CHCHD6: variants seen among roughly 807,000 people sequenced by gnomAD.
The protein encoded by CHCHD6 is coiled-coil-helix-coiled-coil-helix domain containing 6, also known as MICOS complex subunit MIC25.
Under a neutral mutation model 32.3 loss-of-function variants are expected in CHCHD6, and 28 were observed. The observed-to-expected ratio is 0.87, with a 90% CI of 0.64 to 1.19. The LOEUF (loss-of-function observed/expected upper bound fraction) is 1.19. Among genes scored for constraint, CHCHD6 ranks in the 50% most tolerant of loss-of-function variants. The pLI is 0.00. For synonymous variants in CHCHD6, 122 were observed against 117.5 expected, an observed-to-expected ratio of 1.04 and a Z score of -0.25; for missense variants, 333 against 307.0, an observed-to-expected ratio of 1.08 and a Z score of -0.63.
At position 126,892,022 on chromosome 3, in the gene CHCHD6, G is replaced by A. The variant is rs951768275; in HGVS notation, c.496-22658G>A. On this transcript the variant is annotated intron_variant, in intron 5 of 7. Coordinates refer to ENST00000290913, the MANE Select transcript of CHCHD6 (RefSeq NM_032343.3). ...GCAGCCTATGGCAGACATCGCAGGG[G>A]CCTTGGCCCAGGCAGGTGCCAGCGA... Among the ~76,000 whole-genome samples, 4 of 152,170 alleles carry A rather than the reference G, an allele frequency of 2.6e-5. No individual in the cohort carries two copies. The South Asian group carries it at 6.2e-4, about 24-fold the overall frequency.
intron 5 of CHCHD6, among the ~76,000 whole-genome samples, chr3:126,869,396 A>G (rs1017293233): frequency 6.0e-5 from 9 of 151,044 alleles, no homozygotes; most frequent in Middle Eastern, 3.4e-3. Flanking sequence ...ATTAATTTCA[A>G]TGGATACATC....
chr3:126,806,189 A>C (rs1251635952), intron 4 of CHCHD6, among the ~76,000 whole-genome samples: 1 of 152,004 alleles, frequency 6.6e-6, no homozygotes, highest in Admixed American at 6.5e-5. Flanking sequence ...ACAAAAGCCA[A>C]AATTGACAAA....
At chr3:126,898,042 C>G (rs1447301706) in intron 5 of CHCHD6, among the ~76,000 whole-genome samples, 3 of 152,214 alleles carry the variant, frequency 2.0e-5, no homozygotes, top group African/African-American at 7.2e-5. Flanking sequence ...CTCGCAAATA[C>G]TGTGCTCTGC....
chr3:126,909,274 G>A (rs934245612), intron 5 of CHCHD6, among the ~76,000 whole-genome samples: 12 of 152,164 alleles, frequency 7.9e-5, no homozygotes, highest in African/African-American at 1.9e-4. Flanking sequence ...CTGGTCCCAC[G>A]CTGCTCTATA....
At chr3:126,883,637 A>C (rs2077641370) in intron 5 of CHCHD6, among the ~76,000 whole-genome samples, 1 of 152,178 alleles carries the variant, frequency 6.6e-6, no homozygotes, top group African/African-American at 2.4e-5. Flanking sequence ...TTCTGCCCGG[A>C]TTACCAGCCA....
At chr3:126,805,349 A>G (rs1576438259) in intron 4 of CHCHD6, among the ~76,000 whole-genome samples, 1 of 152,210 alleles carries the variant, frequency 6.6e-6, no homozygotes, top group South Asian at 2.1e-4. Flanking sequence ...CAACTTCAGC[A>G]AAGTCTCAGG....
In CHCHD6 at chr3:126,704,248, G is replaced by T; in HGVS notation, c.-65G>T. ...GGCCGCGCGAGTCCTGGAAAGCGTTGTTGGCCCGGTTGCTCTGGAGCCGGG... is the reference window on the plus strand; with the variant it reads ...GGCCGCGCGAGTCCTGGAAAGCGTTTTTGGCCCGGTTGCTCTGGAGCCGGG... On this transcript the variant is annotated 5_prime_UTR_variant, in exon 1 of 8. Coordinates refer to ENST00000290913, the MANE Select transcript of CHCHD6 (RefSeq NM_032343.3). 1 of 1,354,232 alleles carries T rather than the reference G, an allele frequency of 7.4e-7. No individual in the cohort carries two copies. 83.9% of individuals were successfully genotyped at this position (1,354,232 alleles called of 1,614,324 possible). A position where few individuals can be genotyped will look rare whatever the true frequency, so the allele number is the denominator to read the frequency against.
chr3:126,805,162 A>T (rs931121999), intron 4 of CHCHD6, among the ~76,000 whole-genome samples: 3 of 152,156 alleles, frequency 2.0e-5, no homozygotes, highest in African/African-American at 7.2e-5. Context: ...GCCCTCTCTC[A>T]CCACCCCTAT....
intron 4 of CHCHD6, among the ~76,000 whole-genome samples, chr3:126,745,870 C>T (rs1241291698): frequency 6.6e-6 from 1 of 152,186 alleles, no homozygotes; most frequent in African/African-American, 2.4e-5. Flanking sequence ...GTTTCACTGA[C>T]CTTGGGCTTG....
intron 5 of CHCHD6, among the ~76,000 whole-genome samples, chr3:126,863,319 C>T (rs1942033233): frequency 7.6e-6 from 1 of 130,894 alleles, no homozygotes; most frequent in Admixed American, 7.4e-5. Context: ...CCTCCATCAC[C>T]ACCTCCTCCT....
rs145698657 is a variant in CHCHD6 at position 126,814,905 on chromosome 3, C to T, written c.412-37742C>T. Among the ~76,000 whole-genome samples the T allele has an allele frequency of 2.2e-3, 330 of 152,232 alleles. 1 individual carries two copies. Among genetic ancestry groups the T allele is most frequent in the African/African-American group, 7.7e-3 (318 of 41,546 alleles). ...TGGGGAAGGCAGTTTTGGGGATAGC[C>T]CCCAACCTGTGGGATCTGACTCCAT... On this transcript the variant is annotated intron_variant, in intron 4 of 7. Coordinates refer to ENST00000290913, the MANE Select transcript of CHCHD6 (RefSeq NM_032343.3).
intron 5 of CHCHD6, among the ~76,000 whole-genome samples, chr3:126,856,945 A>T (rs1941684957): frequency 6.6e-6 from 1 of 152,208 alleles, no homozygotes; most frequent in African/African-American, 2.4e-5. Context: ...TTTAGGACTA[A>T]CCTGCCAGCT....
At chr3:126,709,834 T>G (rs1322868604) in intron 1 of CHCHD6, among the ~76,000 whole-genome samples, 1 of 152,256 alleles carries the variant, frequency 6.6e-6, no homozygotes, top group Non-Finnish European at 1.5e-5. Context: ...AATTGGATTA[T>G]TTGTCTTTTT....
At chr3:126,761,267 T>A (rs1278144284) in intron 4 of CHCHD6, among the ~76,000 whole-genome samples, 1 of 152,212 alleles carries the variant, frequency 6.6e-6, no homozygotes, top group Non-Finnish European at 1.5e-5. Context: ...TTTCTCCACA[T>A]CTTGGAGATG....
At chr3:126,737,864 GT>G in intron 4 of CHCHD6, among the ~76,000 whole-genome samples, 5 of 152,248 alleles carry the variant, frequency 3.3e-5, no homozygotes, top group Admixed American at 3.3e-4. Flanking sequence ...TGTAGGTGCG[GT>G]TGTGGAACGA....
intron 5 of CHCHD6, among the ~76,000 whole-genome samples, chr3:126,905,965 C>A (rs2107585541): frequency 6.6e-6 from 1 of 152,226 alleles, no homozygotes; most frequent in Admixed American, 6.5e-5. Flanking sequence ...AGGAGAATGA[C>A]TGGCAGAGGG....
intron 4 of CHCHD6, among the ~76,000 whole-genome samples, chr3:126,804,428 C>A (rs527248053): frequency 1.3e-5 from 2 of 152,118 alleles, no homozygotes; most frequent in African/African-American, 4.8e-5. Context: ...GAGAATACTA[C>A]AAACACCTCT....
chr3:126,708,649 T>TG (rs764444913), intron 1 of CHCHD6, among the ~76,000 whole-genome samples: 16 of 110,504 alleles, frequency 1.4e-4, no homozygotes, highest in Middle Eastern at 4.5e-3. Context: ...CCCCATCTCT[T>TG]GAAAAAAAAA....
intron 6 of CHCHD6, among the ~76,000 whole-genome samples, chr3:126,925,164 A>G (rs2078304914): frequency 6.6e-6 from 1 of 152,202 alleles, no homozygotes; most frequent in South Asian, 2.1e-4. Context: ...GTCACCACGA[A>G]TAATCAAGTG....
Sources: allele counts gnomAD v4.1 joint callset (sites outside exome capture counted in the v4.1 genomes callset), GRCh38; gene constraint gnomAD v4.1.1; transcripts MANE v1.5; gene names NCBI Gene and HGNC (gene_info 2026-07-23, HGNC 2026-07-21).